The following MYO1H variants were observed in gnomAD, a reference collection of about 807,000 sequenced individuals.
MYO1H encodes the protein myosin IH.
Under a neutral mutation model 149.3 loss-of-function variants are expected in MYO1H, and 118 were observed. The ratio of observed to expected loss-of-function variants is 0.79; its 90% CI spans 0.68 to 0.92. MYO1H has a LOEUF of 0.92. Among genes scored for constraint, MYO1H ranks in the 40% least tolerant of loss-of-function variants. The pLI is 0.00. For synonymous variants in MYO1H, 447 were observed against 465.2 expected (o/e 0.96, Z 0.50); for missense variants, 1,212 against 1,280.7 (o/e 0.95, Z 0.82).
rs551691706 is a variant in MYO1H at position 109,447,171 on chromosome 12, A to T, written c.3106A>T (p.Arg1036Trp). The T allele has an allele frequency of 6.9e-6, 11 of 1,599,544 alleles. No homozygotes were observed. In the African/African-American group the frequency reaches 8.0e-5, roughly 12 times the overall value. ...GACTCTCTCCCAGGTGTCAGTCCGG[A>T]GGAAGTCCTGATAGAGGATGACGTC... Residue 1036 changes from arginine (R) to tryptophan (W), a missense_variant, in exon 32 of 32, where the codon AGG becomes TGG. Transcript: ENST00000310903.
At chr12:109,319,976 CTAAT>C in the MYO1H span, among the ~76,000 whole-genome samples, 1 of 152,008 alleles carries the variant, frequency 6.6e-6, no homozygotes, top group South Asian at 2.1e-4. Context: ...CTTTCATTGT[CTAAT>C]ATGGTAGCCA....
At chr12:109,353,393 C>CAAAAAAAA (rs55927192) in intron 1 of MYO1H, among the ~76,000 whole-genome samples, 13 of 79,284 alleles carry the variant, frequency 1.6e-4, no homozygotes, top group African/African-American at 3.7e-4. Context: ...GACTCCGTCT[C>CAAAAAAAA]AAAAAAAAAA....
chr12:109,444,960 T>C (rs1872417019), intron 30 of MYO1H, among the ~76,000 whole-genome samples: 1 of 152,126 alleles, frequency 6.6e-6, no homozygotes, highest in Admixed American at 6.6e-5. Context: ...GCACCATCTC[T>C]ACCAGTAAGG....
chr12:109,368,640 T>TAAAAAAAAAAA (rs56146617), intron 1 of MYO1H, among the ~76,000 whole-genome samples: 25 of 113,196 alleles, frequency 2.2e-4, no homozygotes, highest in South Asian at 1.6e-3. Context: ...GACTCCATCT[T>TAAAAAAAAAAA]AAAAAAAAAA....
intron 14 of MYO1H, among the ~76,000 whole-genome samples, chr12:109,414,877 T>G (rs983285785): frequency 6.6e-6 from 1 of 151,846 alleles, no homozygotes; most frequent in Non-Finnish European, 1.5e-5. Flanking sequence ...CCCAGCTAAT[T>G]CTTTGTATTT....
chr12:109,429,020 C>T (rs1398625207), intron 19 of MYO1H, among the ~76,000 whole-genome samples: 1 of 152,162 alleles, frequency 6.6e-6, no homozygotes, highest in Non-Finnish European at 1.5e-5. Context: ...ACCAGCCTGA[C>T]CAACATGGTG....
At chr12:109,431,245 T>C (rs1871601820) in intron 19 of MYO1H, among the ~76,000 whole-genome samples, 1 of 150,928 alleles carries the variant, frequency 6.6e-6, no homozygotes, top group African/African-American at 2.4e-5. Context: ...CCAGGTGTGG[T>C]GGCGGGCACC....
the MYO1H span, among the ~76,000 whole-genome samples, chr12:109,341,040 T>C: frequency 6.6e-6 from 1 of 151,932 alleles, no homozygotes; most frequent in African/African-American, 2.4e-5. Flanking sequence ...TACAAAAAAT[T>C]AGCCATATGT....
chr12:109,372,350 T>G (rs1040073330), intron 1 of MYO1H, among the ~76,000 whole-genome samples: 1 of 152,108 alleles, frequency 6.6e-6, no homozygotes, highest in African/African-American at 2.4e-5. Context: ...AACTATCCAG[T>G]GTTTCCAACA....
chr12:109,313,973 C>T, the MYO1H span, among the ~76,000 whole-genome samples: 1 of 152,156 alleles, frequency 6.6e-6, no homozygotes, highest in Non-Finnish European at 1.5e-5. Context: ...CAACCTCTGC[C>T]TCCCCGGTTC....
At chr12:109,353,120 G>A (rs139628369) in intron 1 of MYO1H, among the ~76,000 whole-genome samples, 98 of 152,212 alleles carry the variant, frequency 6.4e-4, no homozygotes, top group African/African-American at 2.3e-3. Flanking sequence ...GTGAGGCTGG[G>A]CACAGTGGCT....
At chr12:109,401,380 T>C in intron 6 of MYO1H, 108 bp downstream of exon 6, 1 of 1,120,484 alleles carries the variant, frequency 8.9e-7, no homozygotes, top group Non-Finnish European at 1.3e-6. Context: ...CATCCTGCTA[T>C]GTGTCCTATT....
At chr12:109,406,827 C>T (rs1057442863) in exon 9 of MYO1H, 17 of 1,613,982 alleles carry the variant, frequency 1.1e-5, no homozygotes, top group Non-Finnish European at 1.4e-5. Context: ...TGGAAGCTCT[C>T]ACCCACAGAA....
intron 1 of MYO1H, among the ~76,000 whole-genome samples, chr12:109,350,451 C>A (rs138592561): frequency 6.6e-6 from 1 of 152,138 alleles, no homozygotes; most frequent in African/African-American, 2.4e-5. Flanking sequence ...GGGGAAACCC[C>A]CTTCGCTTGG....
chr12:109,315,874 T>A, the MYO1H span, among the ~76,000 whole-genome samples: 4 of 152,240 alleles, frequency 2.6e-5, no homozygotes, highest in African/African-American at 7.2e-5. Flanking sequence ...ATACAAAGAA[T>A]GAGTTATCCT....
At chr12:109,323,807 G>T in the MYO1H span, among the ~76,000 whole-genome samples, 1 of 152,132 alleles carries the variant, frequency 6.6e-6, no homozygotes, top group African/African-American at 2.4e-5. Flanking sequence ...CTCCTGGGGA[G>T]TAATAAACCA....
At chr12:109,372,680 A>C in intron 1 of MYO1H, among the ~76,000 whole-genome samples, 1 of 152,020 alleles carries the variant, frequency 6.6e-6, no homozygotes, top group East Asian at 1.9e-4. Flanking sequence ...TTTATGTCTT[A>C]ATATCTGCTA....
At chr12:109,447,492 C>A in exon 32 of MYO1H, 1 of 486,996 alleles carries the variant, frequency 2.1e-6, no homozygotes, top group Non-Finnish European at 3.7e-6. Context: ...AGAGGGTGGG[C>A]AAGATTCTCT....
chr12:109,328,052 G>A, the MYO1H span, among the ~76,000 whole-genome samples: 1 of 151,124 alleles, frequency 6.6e-6, no homozygotes, highest in Admixed American at 6.6e-5. Flanking sequence ...AAGTCCCATC[G>A]TAGCTGCTTC....
Sources: gnomAD v4.1 joint callset for allele counts (sites outside exome capture counted in the v4.1 genomes callset) on GRCh38, gnomAD v4.1.1 for gene constraint, MANE v1.5 for transcripts, NCBI Gene and HGNC (gene_info 2026-07-23, HGNC 2026-07-21) for gene names.